Variants in AIM2 observed in about 807,000 individuals in gnomAD.
The protein encoded by AIM2 is absent in melanoma 2.
Under a neutral mutation model 27.7 loss-of-function variants are expected in AIM2, and 30 were observed. The ratio of observed to expected loss-of-function variants is 1.08; its 90% CI spans 0.81 to 1.47. The LOEUF is 1.47. Among genes scored for constraint, AIM2 ranks in the 40% most tolerant of loss-of-function variants. The pLI is 0.00. For missense variants in AIM2, 358 were observed against 411.3 expected (o/e 0.87, Z 1.12); for synonymous variants, 141 against 145.3 (o/e 0.97, Z 0.21).
chr1:159,102,426 C>T (rs1403514056), intron 1 of AIM2, among the ~76,000 whole-genome samples: 1 of 152,244 alleles, frequency 6.6e-6, no homozygotes, highest in African/African-American at 2.4e-5. Flanking sequence ...CACAGAGTCC[C>T]TACTGGGGCA....
chr1:159,086,463 C>T (rs1656913685), intron 1 of AIM2, among the ~76,000 whole-genome samples: 1 of 152,264 alleles, frequency 6.6e-6, no homozygotes, highest in South Asian at 2.1e-4. Context: ...TGCCCACATA[C>T]ACTAGGCTCC....
intron 1 of AIM2, among the ~76,000 whole-genome samples, chr1:159,093,356 A>C (rs1232345976): frequency 6.6e-6 from 1 of 152,230 alleles, no homozygotes; most frequent in Admixed American, 6.5e-5. Flanking sequence ...TTCTGGGAGA[A>C]AAATTGGATT....
chr1:159,090,954 TC>T (rs1489242217), intron 1 of AIM2, among the ~76,000 whole-genome samples: 5 of 152,168 alleles, frequency 3.3e-5, no homozygotes, highest in Non-Finnish European at 7.3e-5. Context: ...GCACCATCAC[TC>T]CCTCCTGGTA....
downstream of AIM2, among the ~76,000 whole-genome samples, chr1:159,059,266 CCAAA>C (rs908157033): frequency 3.3e-5 from 5 of 151,346 alleles, no homozygotes; most frequent in African/African-American, 9.8e-5. Flanking sequence ...CACACACACA[CCAAA>C]CACACACACA....
intron 2 of AIM2, among the ~76,000 whole-genome samples, chr1:159,072,753 G>A (rs1656414113): frequency 6.6e-6 from 1 of 152,204 alleles, no homozygotes; most frequent in South Asian, 2.1e-4. Flanking sequence ...GATAGTCTGG[G>A]ACCACAGAAA....
intron 5 of AIM2, 23 bp downstream of exon 5, chr1:159,063,463 A>C (rs1410813535): frequency 6.3e-7 from 1 of 1,594,604 alleles, no homozygotes; most frequent in East Asian, 2.2e-5. Flanking sequence ...TGGAGAGTTG[A>C]CTTTGTTCCA....
At chr1:159,063,787 A>G in intron 4 of AIM2, 113 bp from the exon 5 acceptor site, 1 of 1,139,514 alleles carries the variant, frequency 8.8e-7, no homozygotes, top group Non-Finnish European at 1.3e-6. Context: ...TTGATTCTTG[A>G]ACAACACAGA....
At chr1:159,074,355 TATATG>T (rs1656501772) in intron 1 of AIM2, among the ~76,000 whole-genome samples, 1 of 152,218 alleles carries the variant, frequency 6.6e-6, no homozygotes, top group Non-Finnish European at 1.5e-5. Context: ...AGTTAATTTG[TATATG>T]ATATAAGTGA....
intron 1 of AIM2, among the ~76,000 whole-genome samples, chr1:159,090,505 T>A (rs899905435): frequency 6.6e-6 from 1 of 152,232 alleles, no homozygotes; most frequent in Non-Finnish European, 1.5e-5. Context: ...GTAATTGTCA[T>A]CACGCCACTA....
upstream of AIM2, among the ~76,000 whole-genome samples, chr1:159,142,811 C>G (rs1423183918): frequency 2.0e-5 from 3 of 152,174 alleles, no homozygotes; most frequent in Admixed American, 1.3e-4. Context: ...TCCTTCTTAC[C>G]TCACTTTCAG....
intron 1 of AIM2, among the ~76,000 whole-genome samples, chr1:159,123,197 T>C (rs1192349531): frequency 6.6e-6 from 1 of 152,146 alleles, no homozygotes; most frequent in African/African-American, 2.4e-5. Context: ...AATATTTACA[T>C]ACAAATAAAA....
At chr1:159,086,851 A>G (rs538137747) in intron 1 of AIM2, among the ~76,000 whole-genome samples, 1 of 152,348 alleles carries the variant, frequency 6.6e-6, no homozygotes, top group East Asian at 1.9e-4. Context: ...AACTGAAAGA[A>G]AGAACTCAGT....
At chr1:159,072,030 T>C (rs1314616176) in intron 2 of AIM2, among the ~76,000 whole-genome samples, 1 of 152,242 alleles carries the variant, frequency 6.6e-6, no homozygotes, top group East Asian at 1.9e-4. Context: ...AATTAATTCT[T>C]GATTTATTAC....
intron 1 of AIM2, among the ~76,000 whole-genome samples, chr1:159,105,836 A>G (rs566955011): frequency 2.6e-5 from 4 of 152,226 alleles, no homozygotes; most frequent in African/African-American, 7.2e-5. Flanking sequence ...TGGGCCTGAA[A>G]AAAGCACCGT....
intron 1 of AIM2, among the ~76,000 whole-genome samples, chr1:159,090,191 T>C (rs1279505747): frequency 1.3e-5 from 2 of 152,258 alleles, no homozygotes; most frequent in African/African-American, 2.4e-5. Flanking sequence ...CTCTCCTTTA[T>C]AGGTGTTCCC....
upstream of AIM2, among the ~76,000 whole-genome samples, chr1:159,142,532 C>T (rs912356581): frequency 6.6e-6 from 1 of 152,096 alleles, no homozygotes; most frequent in Non-Finnish European, 1.5e-5. Flanking sequence ...CTTTCCCCCA[C>T]CTTGCTCAGC....
downstream of AIM2, among the ~76,000 whole-genome samples, chr1:159,057,596 C>T (rs2101950887): frequency 6.6e-6 from 1 of 152,258 alleles, no homozygotes; most frequent in South Asian, 2.1e-4. Flanking sequence ...TTACATTACC[C>T]ATACCTTTTG....
At chr1:159,102,117 C>A (rs1188951352) in intron 1 of AIM2, among the ~76,000 whole-genome samples, 1 of 152,150 alleles carries the variant, frequency 6.6e-6, no homozygotes, top group Non-Finnish European at 1.5e-5. Context: ...ATGCAGCCTT[C>A]GGAAATGGTG....
At chr1:159,055,864 C>T in the AIM2 span, among the ~76,000 whole-genome samples, 1 of 152,184 alleles carries the variant, frequency 6.6e-6, no homozygotes, top group Non-Finnish European at 1.5e-5. Flanking sequence ...TCTTTACTCA[C>T]CCTATAATAT....
Sources: gnomAD v4.1 joint callset for allele counts (sites outside exome capture counted in the v4.1 genomes callset) on GRCh38, gnomAD v4.1.1 for gene constraint, MANE v1.5 for transcripts, NCBI Gene and HGNC (gene_info 2026-07-23, HGNC 2026-07-21) for gene names.